Variants in ITGA8 observed in about 807,000 individuals in gnomAD.
ITGA8 encodes the protein integrin alpha-8.
ITGA8 carries 91 observed loss-of-function variants against 142.3 expected under a neutral mutation model. That is an observed-to-expected ratio of 0.64 (90% CI 0.54 to 0.76). The LOEUF (loss-of-function observed/expected upper bound fraction) is 0.76, where lower values mean the gene tolerates loss of function less well. Among genes scored for constraint, ITGA8 ranks in the 30% least tolerant of loss-of-function variants. ITGA8 has a pLI of 0.00. For missense variants in ITGA8, 1,406 were observed against 1,327.7 expected (o/e 1.06, Z -0.92); for synonymous variants, 505 against 485.2 (o/e 1.04, Z -0.54).
intron 21 of ITGA8, among the ~76,000 whole-genome samples, chr10:15,595,758 C>G (rs542545712): frequency 5.9e-5 from 9 of 152,140 alleles, no homozygotes; most frequent in African/African-American, 1.9e-4. Flanking sequence ...TTAGGTAACC[C>G]TCTTCATATT....
intron 26 of ITGA8, among the ~76,000 whole-genome samples, chr10:15,552,119 A>G (rs1294667974): frequency 4.6e-5 from 7 of 152,026 alleles, no homozygotes; most frequent in Admixed American, 3.3e-4. Flanking sequence ...ATTAAAAAAC[A>G]TACTTGAACT....
At chr10:15,591,726 A>G (rs898156254) in intron 22 of ITGA8, among the ~76,000 whole-genome samples, 5 of 152,244 alleles carry the variant, frequency 3.3e-5, no homozygotes, top group African/African-American at 4.8e-5. Context: ...TATCATTGCT[A>G]GAGAAGGGCT....
chr10:15,579,681 G>A (rs900763677), intron 23 of ITGA8, among the ~76,000 whole-genome samples: 2 of 151,800 alleles, frequency 1.3e-5, no homozygotes, highest in African/African-American at 2.4e-5. Context: ...TTTTCTCATC[G>A]AGAGAGATAG....
intron 27 of ITGA8, among the ~76,000 whole-genome samples, chr10:15,544,339 C>T (rs984003097): frequency 6.6e-6 from 1 of 152,002 alleles, no homozygotes; most frequent in African/African-American, 2.4e-5. Context: ...ACAACAAAAC[C>T]AAAACCCCAT....
intron 25 of ITGA8, among the ~76,000 whole-genome samples, chr10:15,567,621 A>G (rs1417403911): frequency 6.6e-6 from 1 of 152,226 alleles, no homozygotes; most frequent in African/African-American, 2.4e-5. Flanking sequence ...AGAAACTATC[A>G]CCGGAGAAAC....
chr10:15,569,471 G>A (rs1303852232), intron 25 of ITGA8, among the ~76,000 whole-genome samples: 1 of 152,214 alleles, frequency 6.6e-6, no homozygotes, highest in East Asian at 1.9e-4. Flanking sequence ...TCCCCGGTGA[G>A]TAAGATTGGA....
At chr10:15,701,768 A>G (rs1407656626) in intron 2 of ITGA8, among the ~76,000 whole-genome samples, 1 of 152,232 alleles carries the variant, frequency 6.6e-6, no homozygotes, top group African/African-American at 2.4e-5. Context: ...ACCTTCAGTC[A>G]TCACTTTAAG....
At position 15,617,421 on chromosome 10, in the gene ITGA8, CAG is replaced by C. The variant is rs1469730298; in HGVS notation, c.1400-864_1400-863del. 6.0e-5 allele frequency among the ~76,000 whole-genome samples: 9 copies of C among 149,270 alleles called. No homozygotes were observed. In the East Asian group the frequency reaches 1.2e-3, roughly 20 times the overall value. The stretch of plus-strand genomic sequence containing the variant: ...TCTGTTTTTTTTTTTTCTTTTTTGA[CAG>C]AGTCTCGCTCCATCGCCTAGGCTGG... On this transcript the variant is annotated intron_variant, in intron 13 of 29. Transcript: ENST00000378076.
Position 15,719,885 on chromosome 10 carries a change from T to A in ITGA8, c.-114A>T, listed in dbSNP as rs1054955615. 17 of 822,150 alleles carry A rather than the reference T, an allele frequency of 2.1e-5. No homozygotes were observed. The highest frequency in any genetic ancestry group is 2.5e-5 in the Non-Finnish European group (15 of 605,458). The allele number at this position is 822,150 out of a possible 1,614,324, so 50.9% of individuals were successfully genotyped here. A position where few individuals can be genotyped will look rare whatever the true frequency, so the allele number is the denominator to read the frequency against. On this transcript the variant is annotated 5_prime_UTR_variant, in exon 1 of 30. Transcript: ENST00000378076. Reference sequence around the variant, plus strand: ...CCCAGCTGCCCGTGTCCCGGGTCGGTGCGCTCGGCGCACCCGTGGTGACAG... The same window carrying A: ...CCCAGCTGCCCGTGTCCCGGGTCGGAGCGCTCGGCGCACCCGTGGTGACAG...
At chr10:15,545,998 T>C (rs748953877) in intron 27 of ITGA8, among the ~76,000 whole-genome samples, 1 of 152,206 alleles carries the variant, frequency 6.6e-6, no homozygotes. Flanking sequence ...GGTCTCCATT[T>C]GTTCCTCAAA....
Position 15,575,547 on chromosome 10 carries a change from G to T in ITGA8, c.2420C>A (p.Pro807Gln), listed in dbSNP as rs1338607474. ...CTCCTCTTTGTGGGGCTCCTCTTCT[G>T]GTTCCCAGTTATGAATGGGCAGAAC... is the stretch of plus-strand genomic sequence containing the variant. Reference protein sequence around the residue: ...QIVLPIHNWEPEEEPHKEEEV... With the variant: ...QIVLPIHNWEQEEEPHKEEEV... The change falls in exon 24 of 30, where the codon CCA becomes CAA. Residue 807 changes from proline (P) to glutamine (Q), a missense_variant. Coordinates refer to ENST00000378076, the MANE Select transcript of ITGA8 (RefSeq NM_003638.3). 1.9e-6 allele frequency: 3 copies of T among 1,613,894 alleles called. No individual in the cohort carries two copies. The highest frequency in any genetic ancestry group is 1.3e-5 in the African/African-American group (1 of 74,912).
At chr10:15,519,025 C>T (rs546721386) in intron 29 of ITGA8, among the ~76,000 whole-genome samples, 15 of 152,164 alleles carry the variant, frequency 9.9e-5, no homozygotes, top group Non-Finnish European at 1.6e-4. Context: ...TTAGTTAATA[C>T]AGCCTAACTC....
chr10:15,617,060 C>G (rs1329010706), intron 13 of ITGA8, among the ~76,000 whole-genome samples: 2 of 152,108 alleles, frequency 1.3e-5, no homozygotes, highest in East Asian at 1.9e-4. Context: ...TTTGGCAAAG[C>G]AATCAGTAGT....
intron 13 of ITGA8, among the ~76,000 whole-genome samples, chr10:15,629,052 T>C (rs2100303): frequency 1.3e-5 from 2 of 151,574 alleles, no homozygotes; most frequent in East Asian, 1.9e-4. Context: ...TAGGTACCCC[T>C]ACTCACGGCG....
rs1564396726 is a variant in ITGA8 at position 15,660,926 on chromosome 10, G to C, written c.848-4C>G. Reference sequence around the variant, plus strand: ...CTTGGAATTCCAGCAACCAATTCTGGGGATGAAAATAGCCATTTAGAAGGG... The same window carrying C: ...CTTGGAATTCCAGCAACCAATTCTGCGGATGAAAATAGCCATTTAGAAGGG... On this transcript the variant is annotated splice_region_variant and splice_polypyrimidine_tract_variant and intron_variant, in intron 8 of 29. Coordinates refer to ENST00000378076, the MANE Select transcript of ITGA8 (RefSeq NM_003638.3). The C allele has an allele frequency of 6.2e-7, 1 of 1,613,208 alleles. No individual in the cohort carries two copies. The highest frequency in any genetic ancestry group is 8.5e-7 in the Non-Finnish European group (1 of 1,179,432).
intron 13 of ITGA8, among the ~76,000 whole-genome samples, chr10:15,636,757 C>T (rs1833778427): frequency 6.6e-6 from 1 of 152,166 alleles, no homozygotes; most frequent in Non-Finnish European, 1.5e-5. Context: ...ATACTTCAGG[C>T]CAAATTTAAA....
intron 26 of ITGA8, among the ~76,000 whole-genome samples, chr10:15,556,193 A>T (rs189057201): frequency 1.7e-3 from 258 of 150,228 alleles, no homozygotes; most frequent in Admixed American, 2.4e-3. Context: ...CGCCCAGATA[A>T]TTTTTTTTGT....
chr10:15,600,246 G>C (rs1833081215), intron 20 of ITGA8, among the ~76,000 whole-genome samples: 1 of 151,538 alleles, frequency 6.6e-6, no homozygotes. Flanking sequence ...ATCTCCTAAT[G>C]CTATTAAAAA....
chr10:15,538,296 T>C (rs747481850), intron 27 of ITGA8, among the ~76,000 whole-genome samples: 1 of 152,106 alleles, frequency 6.6e-6, no homozygotes. Context: ...GTGGATCACC[T>C]GAGGTCAGGA....
Sources: gnomAD v4.1 joint callset for allele counts (sites outside exome capture counted in the v4.1 genomes callset) on GRCh38, gnomAD v4.1.1 for gene constraint, MANE v1.5 for transcripts, NCBI Gene and HGNC (gene_info 2026-07-23, HGNC 2026-07-21) for gene names.